GALNT13: variants seen among roughly 807,000 people sequenced by gnomAD.
GALNT13 encodes polypeptide N-acetylgalactosaminyltransferase 13, also known as UDP-GalNAc:polypeptide N-acetylgalactosaminyltransferase 13.
Under a neutral mutation model 64.2 loss-of-function variants are expected in GALNT13, and 28 were observed. The observed-to-expected ratio is 0.44, with a 90% CI of 0.32 to 0.60. The LOEUF is 0.60. GALNT13 is among the 20% of genes least tolerant of loss of function. GALNT13 has a pLI of 0.05. For missense variants in GALNT13, 577 were observed against 669.8 expected (o/e 0.86, Z 1.53); for synonymous variants, 214 against 224.6 (o/e 0.95, Z 0.42).
At chr2:154,055,144 C>T (rs1699833348) in intron 3 of GALNT13, among the ~76,000 whole-genome samples, 1 of 151,850 alleles carries the variant, frequency 6.6e-6, no homozygotes, top group African/African-American at 2.4e-5. Flanking sequence ...AATTTTTGTC[C>T]TATCATTGTT....
chr2:153,338,648 C>G, the GALNT13 span, among the ~76,000 whole-genome samples: 932 of 152,266 alleles, frequency 6.1e-3, 8 homozygotes, highest in African/African-American at 0.021. Flanking sequence ...GAAATCTACT[C>G]TCTTAGCAAT....
the GALNT13 span, among the ~76,000 whole-genome samples, chr2:153,379,406 T>C: frequency 6.6e-6 from 1 of 152,182 alleles, no homozygotes; most frequent in Non-Finnish European, 1.5e-5. Flanking sequence ...CCAGTTGATT[T>C]AATGTAGAGA....
chr2:154,171,163 C>G (rs1327315615), intron 4 of GALNT13, among the ~76,000 whole-genome samples: 1 of 152,046 alleles, frequency 6.6e-6, no homozygotes, highest in African/African-American at 2.4e-5. Flanking sequence ...TCAGACCAAA[C>G]AAATACATGG....
chr2:153,166,150 C>T, the GALNT13 span, among the ~76,000 whole-genome samples: 925 of 152,288 alleles, frequency 6.1e-3, 11 homozygotes, highest in African/African-American at 0.021. Context: ...CTGTGGCAGA[C>T]AGATTTTAAT....
At chr2:153,211,235 C>A in the GALNT13 span, among the ~76,000 whole-genome samples, 1 of 151,804 alleles carries the variant, frequency 6.6e-6, no homozygotes, top group South Asian at 2.1e-4. Flanking sequence ...CTCAGCCTCC[C>A]GGGTTCAAGC....
chr2:153,111,203 T>A, the GALNT13 span, among the ~76,000 whole-genome samples: 1 of 152,154 alleles, frequency 6.6e-6, no homozygotes, highest in Non-Finnish European at 1.5e-5. Flanking sequence ...GAGATCATGA[T>A]CTTGCATTTC....
At chr2:153,351,412 C>T in the GALNT13 span, among the ~76,000 whole-genome samples, 9 of 152,250 alleles carry the variant, frequency 5.9e-5, no homozygotes, top group Non-Finnish European at 8.8e-5. Flanking sequence ...CCCAGATAAA[C>T]GTTCCCAAGC....
intron 4 of GALNT13, among the ~76,000 whole-genome samples, chr2:154,209,678 C>T (rs749075651): frequency 5.9e-5 from 9 of 152,076 alleles, no homozygotes; most frequent in African/African-American, 1.2e-4. Context: ...ATGCCTACTA[C>T]GTTATTTGAA....
intron 9 of GALNT13, among the ~76,000 whole-genome samples, chr2:154,371,455 ATGT>A (rs68029997): frequency 0.6 from 91,066 of 151,488 alleles, 28,023 homozygotes; most frequent in Admixed American, 0.67. Context: ...AGAAAAGTAT[ATGT>A]TGTTATTACT....
chr2:153,345,719 G>GTCCGTCCTTCCTTCCTTCCT, the GALNT13 span, among the ~76,000 whole-genome samples: 83 of 80,018 alleles, frequency 1.0e-3, 3 homozygotes, highest in South Asian at 3.4e-3. Context: ...CTCTCTTTCT[G>GTCCGTCCTTCCTTCCTTCCT]TCCTTCCTTC....
chr2:153,593,439 C>T, the GALNT13 span, among the ~76,000 whole-genome samples: 2 of 152,134 alleles, frequency 1.3e-5, no homozygotes, highest in Non-Finnish European at 2.9e-5. Context: ...ATTCAAGTAG[C>T]GTGTGAGCTC....
chr2:153,523,041 C>CTGTTTTTTTT, the GALNT13 span, among the ~76,000 whole-genome samples: 12 of 74,762 alleles, frequency 1.6e-4, no homozygotes, highest in African/African-American at 9.1e-4. Context: ...TCTGTGTTTA[C>CTGTTTTTTTT]TATTTTTTTT....
At chr2:154,233,728 T>C (rs1689048443) in intron 4 of GALNT13, among the ~76,000 whole-genome samples, 1 of 152,118 alleles carries the variant, frequency 6.6e-6, no homozygotes, top group Non-Finnish European at 1.5e-5. Context: ...ATGGGAGACC[T>C]AGCCTAACTC....
At chr2:153,827,881 A>G in the GALNT13 span, among the ~76,000 whole-genome samples, 4 of 152,232 alleles carry the variant, frequency 2.6e-5, no homozygotes, top group African/African-American at 9.6e-5. Context: ...TCTAGATACA[A>G]TGGGTGTACA....
At chr2:153,103,628 CT>C in the GALNT13 span, among the ~76,000 whole-genome samples, 1 of 152,234 alleles carries the variant, frequency 6.6e-6, no homozygotes, top group African/African-American at 2.4e-5. Flanking sequence ...TGAGGGAGGT[CT>C]GTCCTTGGAC....
At chr2:153,227,998 T>A in the GALNT13 span, among the ~76,000 whole-genome samples, 2 of 152,054 alleles carry the variant, frequency 1.3e-5, no homozygotes, top group Non-Finnish European at 2.9e-5. Flanking sequence ...AGTTGTTCTA[T>A]TCCTTATAAG....
chr2:153,753,628 C>T, the GALNT13 span, among the ~76,000 whole-genome samples: 1 of 152,116 alleles, frequency 6.6e-6, no homozygotes, highest in Non-Finnish European at 1.5e-5. Context: ...TCTGACCCAC[C>T]TGGGGGGTGG....
chr2:153,217,283 T>A, the GALNT13 span, among the ~76,000 whole-genome samples: 1 of 152,114 alleles, frequency 6.6e-6, no homozygotes, highest in African/African-American at 2.4e-5. Context: ...ACTTCTGGGT[T>A]TTGAATTTAC....
chr2:154,217,883 T>A (rs141293486), intron 4 of GALNT13, among the ~76,000 whole-genome samples: 1 of 152,076 alleles, frequency 6.6e-6, no homozygotes, highest in Non-Finnish European at 1.5e-5. Flanking sequence ...TAATCACCTC[T>A]GGACTTAGTT....
Sources: gnomAD v4.1 joint callset for allele counts (sites outside exome capture counted in the v4.1 genomes callset) on GRCh38, gnomAD v4.1.1 for gene constraint, MANE v1.5 for transcripts, NCBI Gene and HGNC (gene_info 2026-07-23, HGNC 2026-07-21) for gene names.